Variants in PCDHGA1 observed in about 807,000 individuals in gnomAD.
PCDHGA1 encodes protocadherin gamma subfamily A, 1.
In PCDHGA1, 32 loss-of-function variants were observed where a neutral mutation model predicts 58.0. The ratio of observed to expected loss-of-function variants is 0.55; its 90% CI spans 0.42 to 0.74. The LOEUF (loss-of-function observed/expected upper bound fraction) is 0.74. PCDHGA1 is among the 30% of genes least tolerant of loss of function. The pLI is 0.00. For missense variants in PCDHGA1, 1,205 were observed against 1,182.3 expected (o/e 1.02, Z -0.28); for synonymous variants, 498 against 501.1 (o/e 0.99, Z 0.08).
chr5:141,398,643 C>G, intron 1 of PCDHGA1: 2 of 1,614,024 alleles, frequency 1.2e-6, no homozygotes, highest in Non-Finnish European at 1.7e-6. Context: ...AGTATAAACT[C>G]TCTCTTAACC....
At chr5:141,423,384 C>T in intron 1 of PCDHGA1, 1 of 1,614,172 alleles carries the variant, frequency 6.2e-7, no homozygotes. Flanking sequence ...GGCTGTGGCG[C>T]TGGCATAAGT....
At position 141,490,148 on chromosome 5, in the gene PCDHGA1, A is replaced by G. The variant is rs2154582223; in HGVS notation, c.2422-4659A>G. The G allele has an allele frequency of 1.2e-6, 2 of 1,614,232 alleles. No homozygotes were observed. The highest frequency in any genetic ancestry group is 4.5e-5 in the East Asian group (2 of 44,888). On this transcript the variant is annotated intron_variant, in intron 1 of 3. Coordinates refer to ENST00000517417, the MANE Select transcript of PCDHGA1 (RefSeq NM_018912.3). The surrounding 1 kb of genome is among the most constrained non-coding windows in gnomAD (Gnocchi z 5.4). The stretch of plus-strand genomic sequence containing the variant: ...CTAGACCCTAGCAGTGGGGCAATCC[A>G]TGTGTTGGGTCCCATAGACTTTGAG...
rs764900894 is a variant in PCDHGA1 at position 141,333,004 on chromosome 5, A to G, written c.2320A>G (p.Asn774Asp). 21 of 1,614,058 alleles carry G rather than the reference A, an allele frequency of 1.3e-5. No individual in the cohort carries two copies. Among genetic ancestry groups the G allele is most frequent in the Non-Finnish European group, 1.6e-5 (19 of 1,180,026 alleles). Residue 774 changes from asparagine to aspartate, a missense_variant, in exon 1 of 4, where the codon AAC (asparagine) becomes GAC (aspartate). Coordinates refer to ENST00000517417, the MANE Select transcript of PCDHGA1 (RefSeq NM_018912.3). The stretch of plus-strand genomic sequence containing the variant: ...GAGCCACCTGATTTTCCCCCAGCCC[A>G]ACTATGCGGACACACTCATCAGCCA... ...RKSHLIFPQP[N>D]YADTLISQES...
At chr5:141,479,241 G>T (rs2099490987) in intron 1 of PCDHGA1, 1 of 152,174 alleles carries the variant, frequency 6.6e-6, no homozygotes, top group Admixed American at 6.5e-5. Context: ...CAAACCCAAA[G>T]ATAACCATTT....
intron 1 of PCDHGA1, chr5:141,370,170 C>G (rs1188782749): frequency 2.2e-6 from 1 of 459,536 alleles, no homozygotes; most frequent in Non-Finnish European, 3.8e-6. Flanking sequence ...AGCAGAGGCG[C>G]CGGGTGCCGC....
intron 1 of PCDHGA1, chr5:141,378,346 A>T (rs761383288): frequency 2.0e-5 from 3 of 152,252 alleles, no homozygotes; most frequent in Non-Finnish European, 2.9e-5. Context: ...AACATGGTGA[A>T]ACCCCGTCTC....
chr5:141,409,491 C>A (rs747701093), intron 1 of PCDHGA1: 1 of 1,613,876 alleles, frequency 6.2e-7, no homozygotes, highest in East Asian at 2.2e-5. Context: ...AGGGGCAAGC[C>A]GCCTCTTTCT....
At chr5:141,504,980 G>A (rs113323355) in intron 2 of PCDHGA1, among the ~76,000 whole-genome samples, 174 of 152,196 alleles carry the variant, frequency 1.1e-3, no homozygotes, top group African/African-American at 3.9e-3. Context: ...TGGCCAACAT[G>A]GTGAAACCCC....
intron 1 of PCDHGA1, chr5:141,374,345 G>A (rs1221134827): frequency 8.1e-6 from 13 of 1,614,018 alleles, no homozygotes; most frequent in Non-Finnish European, 1.1e-5. Flanking sequence ...GGTCACCGCG[G>A]GTAGGATAGA....
At position 141,412,100 on chromosome 5, in the gene PCDHGA1, C is replaced by T. The variant is rs1041242156; in HGVS notation, c.2421+78995C>T. On this transcript the variant is annotated intron_variant, in intron 1 of 3. Coordinates refer to ENST00000517417, the MANE Select transcript of PCDHGA1 (RefSeq NM_018912.3). ...TTGCTACTGGGTTGATGGGCACACA[C>T]AGTTGAAGATATGTGAACCACTGGA... The T allele has an allele frequency of 2.0e-5, 3 of 152,180 alleles. No homozygotes were observed. In the South Asian group the frequency reaches 6.2e-4, roughly 31 times the overall value. 9.4% of individuals were successfully genotyped at this position (152,180 alleles called of 1,614,324 possible).
rs368438944 is a variant in PCDHGA1, at chr5:141,350,232, G to A, written c.2421+17127G>A. ...ATTTCTTTTTGAAAAACATCCCAGAGGAAAGAAGCTCCGCGGAGAGTTCCT... is the reference window on the plus strand; with the variant it reads ...ATTTCTTTTTGAAAAACATCCCAGAAGAAAGAAGCTCCGCGGAGAGTTCCT... On this transcript the variant is annotated intron_variant, in intron 1 of 3. Coordinates refer to ENST00000517417, the MANE Select transcript of PCDHGA1 (RefSeq NM_018912.3). 158 of 1,502,678 alleles carry A rather than the reference G, an allele frequency of 1.1e-4. 1 individual carries two copies. Among genetic ancestry groups the A allele is most frequent in the South Asian group, 2.8e-5 (2 of 70,498 alleles). 93.1% of individuals were successfully genotyped at this position (1,502,678 alleles called of 1,614,324 possible).
chr5:141,419,276 C>G (rs1361651445), intron 1 of PCDHGA1: 1 of 1,613,920 alleles, frequency 6.2e-7, no homozygotes, highest in African/African-American at 1.3e-5. Flanking sequence ...CTCCATAGCG[C>G]AAGTCAGTGC....
rs1356654620 is a variant in PCDHGA1 at position 141,490,430 on chromosome 5, TTAA to T, written c.2422-4376_2422-4374del. On this transcript the variant is annotated intron_variant, in intron 1 of 3. Coordinates refer to ENST00000517417, the MANE Select transcript of PCDHGA1 (RefSeq NM_018912.3). The surrounding 1 kb of genome is among the most constrained non-coding windows in gnomAD (Gnocchi z 5.4). ...ATCTCTCCGGACCTGCCATTTCAGA[TTAA>T]GCCTTCTGAGAACCACTACTCGCTG... 1 of 1,614,162 alleles carries T rather than the reference TTAA, an allele frequency of 6.2e-7. No individual in the cohort carries two copies.
At chr5:141,446,143 T>G (rs2098490523) in intron 1 of PCDHGA1, among the ~76,000 whole-genome samples, 1 of 152,204 alleles carries the variant, frequency 6.6e-6, no homozygotes, top group Admixed American at 6.5e-5. Flanking sequence ...AATAATGGAA[T>G]AGGTGGAATA....
At chr5:141,364,106 G>A (rs1763173743) in intron 1 of PCDHGA1, 1 of 439,014 alleles carries the variant, frequency 2.3e-6, no homozygotes, top group African/African-American at 2.0e-5. Context: ...GCAGTCACTG[G>A]TTAGGACTCT....
At chr5:141,414,740 G>A (rs776833780) in intron 1 of PCDHGA1, 1 of 1,614,208 alleles carries the variant, frequency 6.2e-7, no homozygotes, top group South Asian at 1.1e-5. Flanking sequence ...TATGCACTCA[G>A]ATCCTTCGAC....
Position 141,476,162 on chromosome 5 carries a change from G to A in PCDHGA1, c.2422-18645G>A. 6.2e-7 allele frequency: 1 copy of A among 1,613,038 alleles called. No homozygotes were observed. Among genetic ancestry groups the A allele is most frequent in the South Asian group, 1.1e-5 (1 of 91,040 alleles). Reference sequence around the variant, plus strand: ...GAGCGGACTGGTAAGCACCGGGAGGGTAGTGGGAGTTTTGCTTCTGCTTGG... The same window carrying A: ...GAGCGGACTGGTAAGCACCGGGAGGATAGTGGGAGTTTTGCTTCTGCTTGG... On this transcript the variant is annotated intron_variant, in intron 1 of 3. Coordinates refer to ENST00000517417, the MANE Select transcript of PCDHGA1 (RefSeq NM_018912.3). The surrounding 1 kb of genome is among the most constrained non-coding windows in gnomAD (Gnocchi z 7.6).
intron 1 of PCDHGA1, among the ~76,000 whole-genome samples, chr5:141,483,164 T>C (rs1051456583): frequency 1.1e-4 from 17 of 152,148 alleles, no homozygotes; most frequent in Non-Finnish European, 2.5e-4. Context: ...AGATCCTGAG[T>C]TACCTTTGGG....
rs1428910817 is a variant in PCDHGA1, at chr5:141,390,296, A to G, written c.2421+57191A>G. ...CTTCCCATCAGGTGAGTTTCCTTTA[A>G]GTATAATTTAATGCTCATTGCCTAC... On this transcript the variant is annotated intron_variant, in intron 1 of 3. Coordinates refer to ENST00000517417, the MANE Select transcript of PCDHGA1 (RefSeq NM_018912.3). 7 of 1,613,806 alleles carry G rather than the reference A, an allele frequency of 4.3e-6. No individual in the cohort carries two copies. The Admixed American group carries it at 1.2e-4, about 27-fold the overall frequency.
Sources: allele counts gnomAD v4.1 joint callset (sites outside exome capture counted in the v4.1 genomes callset), GRCh38; gene constraint gnomAD v4.1.1; non-coding constraint Gnocchi (gnomAD v3.1); transcripts MANE v1.5; gene names NCBI Gene and HGNC (gene_info 2026-07-23, HGNC 2026-07-21).